Variants in CNTN5 observed in about 807,000 individuals in gnomAD.
CNTN5 encodes contactin 5, also known as contactin-5.
Under a neutral mutation model 129.1 loss-of-function variants are expected in CNTN5, and 77 were observed. The ratio of observed to expected loss-of-function variants is 0.60; its 90% confidence interval spans 0.50 to 0.72. CNTN5 has a LOEUF of 0.72. Among genes scored for constraint, CNTN5 ranks in the 30% least tolerant of loss-of-function variants. The pLI is 0.00. For missense variants in CNTN5, 1,478 were observed against 1,328.8 expected (o/e 1.11, Z -1.75); for synonymous variants, 509 against 465.6 (o/e 1.09, Z -1.20).
chr11:99,445,354 G>C (rs1466347310), intron 2 of CNTN5, among the ~76,000 whole-genome samples: 1 of 151,956 alleles, frequency 6.6e-6, no homozygotes, highest in African/African-American at 2.4e-5. Context: ...TATTTCACTA[G>C]AAACTTTTCA....
At chr11:100,314,396 T>C (rs1230329) in intron 21 of CNTN5, among the ~76,000 whole-genome samples, 74,681 of 151,938 alleles carry the variant, frequency 0.49, 21,026 homozygotes, top group East Asian at 0.92. Flanking sequence ...ATGTACCAGG[T>C]ATTATAGAGC....
intron 7 of CNTN5, among the ~76,000 whole-genome samples, chr11:99,928,235 G>C (rs1950108716): frequency 6.6e-6 from 1 of 152,288 alleles, no homozygotes; most frequent in Admixed American, 6.5e-5. Flanking sequence ...GGCTGGCATT[G>C]TTTGTAGCTT....
At chr11:99,627,432 C>T (rs965511666) in intron 3 of CNTN5, among the ~76,000 whole-genome samples, 5 of 147,548 alleles carry the variant, frequency 3.4e-5, no homozygotes, top group Admixed American at 2.1e-4. Flanking sequence ...ATTAATGTTA[C>T]GAAATGGAAA....
chr11:99,755,226 A>C (rs1457128700), intron 3 of CNTN5, among the ~76,000 whole-genome samples: 3 of 152,190 alleles, frequency 2.0e-5, no homozygotes, highest in Admixed American at 1.3e-4. Flanking sequence ...TCTTTAGCTC[A>C]TTTAGGTAAA....
intron 3 of CNTN5, among the ~76,000 whole-genome samples, chr11:99,560,931 C>T (rs910990871): frequency 6.6e-6 from 1 of 152,032 alleles, no homozygotes; most frequent in Non-Finnish European, 1.5e-5. Context: ...TGTGTGTATA[C>T]TTCTGCAGAT....
intron 15 of CNTN5, among the ~76,000 whole-genome samples, chr11:100,199,451 T>G (rs1197086279): frequency 6.6e-6 from 1 of 151,928 alleles, no homozygotes; most frequent in Non-Finnish European, 1.5e-5. Context: ...TTTGCTATAT[T>G]ACTGTTCCCT....
At chr11:99,719,230 A>G (rs915228957) in intron 3 of CNTN5, among the ~76,000 whole-genome samples, 27 of 151,934 alleles carry the variant, frequency 1.8e-4, no homozygotes, top group Admixed American at 1.8e-3. Flanking sequence ...GATGCATGAA[A>G]ATCATCTGAA....
At chr11:99,396,584 A>G (rs1219557790) in intron 2 of CNTN5, among the ~76,000 whole-genome samples, 1 of 151,690 alleles carries the variant, frequency 6.6e-6, no homozygotes, top group Admixed American at 6.6e-5. Context: ...CACTACTATC[A>G]TAAGAGACTG....
At chr11:99,410,756 C>T (rs376704876) in intron 2 of CNTN5, among the ~76,000 whole-genome samples, 4 of 152,118 alleles carry the variant, frequency 2.6e-5, no homozygotes, top group South Asian at 2.1e-4. Context: ...TGGTTTTGTG[C>T]GTACATATGG....
chr11:99,073,381 T>G (rs1460539493), intron 1 of CNTN5, among the ~76,000 whole-genome samples: 2 of 148,040 alleles, frequency 1.4e-5, no homozygotes, highest in Non-Finnish European at 3.0e-5. Context: ...TTGGTTTTTT[T>G]TTTTTTTTTT....
intron 1 of CNTN5, among the ~76,000 whole-genome samples, chr11:99,105,862 C>T (rs1723093641): frequency 6.6e-6 from 1 of 152,132 alleles, no homozygotes; most frequent in Admixed American, 6.6e-5. Context: ...TTCAAGTTAA[C>T]TTGGAGTGTG....
At chr11:100,289,631 T>C (rs1449422649) in intron 18 of CNTN5, among the ~76,000 whole-genome samples, 1 of 152,012 alleles carries the variant, frequency 6.6e-6, no homozygotes, top group African/African-American at 2.4e-5. Context: ...GAGCTATCTA[T>C]GACAAACCCA....
intron 3 of CNTN5, among the ~76,000 whole-genome samples, chr11:99,623,330 GCT>G (rs1289668845): frequency 1.3e-5 from 2 of 152,024 alleles, no homozygotes; most frequent in African/African-American, 4.8e-5. Context: ...GGATCCCAGG[GCT>G]CAAATTATAT....
chr11:100,287,877 AAC>A (rs1475907204), intron 18 of CNTN5, among the ~76,000 whole-genome samples: 4 of 152,146 alleles, frequency 2.6e-5, no homozygotes, highest in Non-Finnish European at 4.4e-5. Context: ...CACGTGCAGA[AAC>A]ACACACAGGC....
intron 8 of CNTN5, among the ~76,000 whole-genome samples, chr11:99,957,329 C>A (rs1349676178): frequency 6.6e-6 from 1 of 152,142 alleles, no homozygotes; most frequent in Non-Finnish European, 1.5e-5. Context: ...CTCTATATAA[C>A]ATATGTGTAT....
At chr11:99,491,115 A>G (rs1405304754) in intron 2 of CNTN5, among the ~76,000 whole-genome samples, 1 of 152,122 alleles carries the variant, frequency 6.6e-6, no homozygotes, top group East Asian at 1.9e-4. Flanking sequence ...TTGTGAGAAC[A>G]ATGTACTCCT....
chr11:100,018,032 C>G (rs1350714190), intron 9 of CNTN5, among the ~76,000 whole-genome samples: 2 of 151,842 alleles, frequency 1.3e-5, no homozygotes, highest in Non-Finnish European at 2.9e-5. Context: ...TATTCTAATA[C>G]ATTTTCCGTG....
chr11:99,774,790 T>G (rs1945067686), intron 3 of CNTN5, among the ~76,000 whole-genome samples: 1 of 152,116 alleles, frequency 6.6e-6, no homozygotes, highest in African/African-American at 2.4e-5. Flanking sequence ...ATGACTCTTT[T>G]CTGGCTACCC....
At chr11:99,939,068 G>C (rs749523384) in intron 7 of CNTN5, among the ~76,000 whole-genome samples, 1 of 151,840 alleles carries the variant, frequency 6.6e-6, no homozygotes, top group Non-Finnish European at 1.5e-5. Context: ...TCAACCCTCC[G>C]GTGTTTCTAA....
Sources: allele counts gnomAD v4.1 joint callset (sites outside exome capture counted in the v4.1 genomes callset), GRCh38; gene constraint gnomAD v4.1.1; transcripts MANE v1.5; gene names NCBI Gene and HGNC (gene_info 2026-07-23, HGNC 2026-07-21).